Variants in EFCAB12 observed in about 807,000 individuals in gnomAD.
EFCAB12 encodes the protein EF-hand calcium-binding domain-containing protein 12.
EFCAB12 carries 43 observed loss-of-function variants against 53.6 expected under a neutral mutation model. The ratio of observed to expected loss-of-function variants is 0.80; its 90% CI spans 0.63 to 1.03. EFCAB12 has a LOEUF of 1.03. Among genes scored for constraint, EFCAB12 ranks in the 50% least tolerant of loss-of-function variants. EFCAB12 has a pLI of 0.00. For synonymous variants in EFCAB12, 269 were observed against 289.2 expected (o/e 0.93, Z 0.71); for missense variants, 646 against 730.6 (o/e 0.88, Z 1.34).
intron 6 of EFCAB12, 125 bp downstream of exon 6, chr3:129,408,520 C>T (rs1577039018): frequency 9.5e-7 from 1 of 1,057,320 alleles, no homozygotes; most frequent in Non-Finnish European, 1.4e-6. Flanking sequence ...CGCCTTATTC[C>T]CAATGTCCCC....
In EFCAB12 at chr3:129,411,149, G is replaced by GCGAGGTACCTTGTGCTGT; in HGVS notation, c.1026_1035+8dup. On this transcript the variant is annotated intron_variant, in intron 5 of 8. Coordinates refer to ENST00000505956, the MANE Select transcript of EFCAB12 (RefSeq NM_207307.3). ...CAAGCCGCATGCTCTCCTTGGGCTG[G>GCGAGGTACCTTGTGCTGT]CGAGGTACCTTGTGCTGTCGCTGCC... The GCGAGGTACCTTGTGCTGT allele has an allele frequency of 6.4e-7, 1 of 1,560,066 alleles. No individual in the cohort carries two copies. Among genetic ancestry groups the GCGAGGTACCTTGTGCTGT allele is most frequent in the Non-Finnish European group, 8.7e-7 (1 of 1,153,332 alleles).
At chr3:129,404,062 G>A (rs537496431) in intron 7 of EFCAB12, 188 bp downstream of exon 7, 1 of 639,708 alleles carries the variant, frequency 1.6e-6, no homozygotes, top group Non-Finnish European at 2.6e-6. Flanking sequence ...ATGATCCTGA[G>A]ACATGCGCCA....
At chr3:129,408,490 TCTC>T (rs1424606100) in intron 6 of EFCAB12, among the ~76,000 whole-genome samples, 152 bp downstream of exon 6, 3 of 152,034 alleles carry the variant, frequency 2.0e-5, no homozygotes, top group Non-Finnish European at 4.4e-5. Context: ...CTCCTCCTCT[TCTC>T]CTCCACGCCC....
In EFCAB12 at chr3:129,408,668, A is replaced by G; in HGVS notation, c.1226T>C (p.Leu409Pro). 6.3e-7 allele frequency: 1 copy of G among 1,580,154 alleles called. No homozygotes were observed. The highest frequency in any genetic ancestry group is 8.6e-7 in the Non-Finnish European group (1 of 1,161,630). ...ACCTTTCATGAGGATGTCCTCTGTC[A>G]GCGGGAGGCCATAGGACTTACAGAG... ...WKLCKSYGLPLTEDILMKALL... is the reference protein window; with the variant it reads ...WKLCKSYGLPPTEDILMKALL... The change falls in exon 6 of 9, where the codon CTG becomes CCG. Residue 409 changes from leucine (L) to proline (P), a missense_variant. By Grantham distance (98) the Leu-to-Pro change is moderately conservative. Coordinates refer to ENST00000505956, the MANE Select transcript of EFCAB12 (RefSeq NM_207307.3).
At chr3:129,416,559 C>T (rs1051287138) in intron 3 of EFCAB12, among the ~76,000 whole-genome samples, 2 of 152,178 alleles carry the variant, frequency 1.3e-5, no homozygotes, top group Non-Finnish European at 2.9e-5. Flanking sequence ...AATTACATGT[C>T]ATAAAACATG....
chr3:129,423,707 T>A (rs2072216864), intron 1 of EFCAB12, among the ~76,000 whole-genome samples: 2 of 152,098 alleles, frequency 1.3e-5, no homozygotes. Context: ...AAACCCAAAC[T>A]CCCTTGCTTA....
chr3:129,426,490 G>A (rs546164529), intron 1 of EFCAB12, among the ~76,000 whole-genome samples: 6 of 145,840 alleles, frequency 4.1e-5, no homozygotes, highest in South Asian at 2.3e-4. Flanking sequence ...TCAGCCTCCC[G>A]AGTACCTGGG....
intron 2 of EFCAB12, among the ~76,000 whole-genome samples, chr3:129,420,140 T>C (rs1446609631): frequency 6.6e-6 from 1 of 152,162 alleles, no homozygotes; most frequent in African/African-American, 2.4e-5. Flanking sequence ...TGGGCTATAA[T>C]AACAGCAAGG....
chr3:129,401,661 G>A lies in EFCAB12; in HGVS notation c.1651C>T (p.Pro551Ser), dbSNP rs551533324. The part of the protein sequence containing the change: ...PATYHPDHWW[P>S]LRNKNYMTHA... ...GTCATGTAGTTCTTGTTCCTAAGGG[G>A]CCACCAGTGGTCAGGGTGGTAGGTG... Residue 551 changes from proline to serine, a missense_variant, in exon 9 of 9, where the codon CCC (proline) becomes TCC (serine). Pro to Ser is a moderately conservative substitution (Grantham distance 74). Coordinates refer to ENST00000505956, the MANE Select transcript of EFCAB12 (RefSeq NM_207307.3). The A allele has an allele frequency of 1.8e-4, 291 of 1,586,700 alleles. 6 individuals are homozygous for A. The South Asian group carries it at 3.3e-3, about 18-fold the overall frequency.
chr3:129,421,555 C>CT lies in EFCAB12; in HGVS notation c.297dup (p.Glu100ArgfsTer22). 1 of 1,614,042 alleles carries CT rather than the reference C, an allele frequency of 6.2e-7. No individual in the cohort carries two copies. Among genetic ancestry groups the CT allele is most frequent in the Non-Finnish European group, 8.5e-7 (1 of 1,179,884 alleles). ...TGGCTCAGCCAGGTCTTCCTGTCCT[C>CT]TGGCTGCTCTTGGATATCTCTAGCT... On this transcript the variant is annotated frameshift_variant, in exon 2 of 9. Coordinates refer to ENST00000505956, the MANE Select transcript of EFCAB12 (RefSeq NM_207307.3). LOFTEE classifies it high-confidence loss of function.
intron 2 of EFCAB12, 62 bp downstream of exon 2, chr3:129,421,305 A>G: frequency 6.7e-7 from 1 of 1,485,466 alleles, no homozygotes; most frequent in Non-Finnish European, 9.0e-7. Flanking sequence ...AACCCAAGGG[A>G]ATAAAATAAT....
intron 5 of EFCAB12, among the ~76,000 whole-genome samples, chr3:129,410,942 A>G (rs146401907): frequency 4.9e-4 from 74 of 152,336 alleles, no homozygotes; most frequent in Middle Eastern, 3.4e-3. Flanking sequence ...GGGACGTGAT[A>G]GTTTCAGAAA....
chr3:129,421,324 C>G lies in EFCAB12; in HGVS notation c.486+43G>C, dbSNP rs752482253. 1.9e-6 allele frequency: 3 copies of G among 1,546,784 alleles called. No homozygotes were observed. In the African/African-American group the frequency reaches 4.1e-5, roughly 21 times the overall value. On this transcript the variant is annotated intron_variant, in intron 2 of 8. Coordinates refer to ENST00000505956, the MANE Select transcript of EFCAB12 (RefSeq NM_207307.3). ...CAAGGGAATAAAATAATGATGCATC[C>G]CTAAACCCTTGGTGTCTTCATCTGG...
At chr3:129,404,610 A>C (rs1439599829) in intron 6 of EFCAB12, among the ~76,000 whole-genome samples, 1 of 151,852 alleles carries the variant, frequency 6.6e-6, no homozygotes, top group Non-Finnish European at 1.5e-5. Flanking sequence ...CCCTTGAACC[A>C]CTGTCCCAGT....
intron 5 of EFCAB12, 64 bp downstream of exon 5, chr3:129,411,094 G>C (rs73202270): frequency 6.6e-7 from 1 of 1,514,346 alleles, no homozygotes; most frequent in South Asian, 1.2e-5. Context: ...GTGCTGCTGC[G>C]GTGATCTGAA....
At chr3:129,417,497 T>A (rs1313114213) in intron 3 of EFCAB12, among the ~76,000 whole-genome samples, 3 of 152,058 alleles carry the variant, frequency 2.0e-5, no homozygotes, top group African/African-American at 7.2e-5. Flanking sequence ...CAAGGATGAA[T>A]GAGTGTGGCT....
chr3:129,418,189 C>T, intron 3 of EFCAB12, 65 bp downstream of exon 3: 1 of 1,443,012 alleles, frequency 6.9e-7, no homozygotes, highest in Non-Finnish European at 9.3e-7. Flanking sequence ...GCGGGGGTGG[C>T]AAAGAGGGAG....
intron 2 of EFCAB12, among the ~76,000 whole-genome samples, chr3:129,420,847 G>A (rs908932418): frequency 1.3e-5 from 2 of 152,250 alleles, no homozygotes; most frequent in African/African-American, 4.8e-5. Context: ...GAGGCCTTCA[G>A]AAGCTAGGTC....
chr3:129,421,910 C>T (rs1451810043), intron 1 of EFCAB12, 107 bp from the exon 2 acceptor site: 3 of 1,089,298 alleles, frequency 2.8e-6, no homozygotes, highest in Non-Finnish European at 3.8e-6. Context: ...GCCCTGGATC[C>T]CAGGCCAGGC....
Sources: gnomAD v4.1 joint callset for allele counts (sites outside exome capture counted in the v4.1 genomes callset) on GRCh38, gnomAD v4.1.1 for gene constraint, MANE v1.5 for transcripts, NCBI Gene and HGNC (gene_info 2026-07-23, HGNC 2026-07-21) for gene names.